EFHB: variants seen among roughly 807,000 people sequenced by gnomAD.
EFHB encodes EF-hand domain-containing family member B.
A neutral mutation model predicts 87.2 loss-of-function variants in EFHB; 91 were observed. The observed-to-expected ratio is 1.04, with a 90% CI of 0.88 to 1.24. The LOEUF is 1.24. Ranked by LOEUF, EFHB falls within the 50% of genes most tolerant of loss-of-function variation. The pLI is 0.00. For missense variants in EFHB, 1,084 were observed against 998.8 expected (o/e 1.09, Z -1.15); for synonymous variants, 325 against 333.6 (o/e 0.97, Z 0.28).
At chr3:19,898,288 A>G (rs1242303250) in intron 8 of EFHB, among the ~76,000 whole-genome samples, 1 of 152,210 alleles carries the variant, frequency 6.6e-6, no homozygotes, top group Non-Finnish European at 1.5e-5. Context: ...GTGCTTTCTC[A>G]TATTTGAATG....
chr3:19,945,071 G>C (rs1341475990), intron 1 of EFHB, among the ~76,000 whole-genome samples: 7 of 152,198 alleles, frequency 4.6e-5, no homozygotes, highest in African/African-American at 7.2e-5. Flanking sequence ...CTGCAGATGC[G>C]GTCCAAAGGA....
chr3:19,895,097 CAT>C (rs1694436088), intron 9 of EFHB: 2 of 147,356 alleles, frequency 1.4e-5, no homozygotes, highest in Admixed American at 6.8e-5. Context: ...TATATATCAA[CAT>C]ATATTTATAT....
chr3:19,908,598 G>GAGAAAGAAAGAAAGAA (rs767343345), intron 5 of EFHB, among the ~76,000 whole-genome samples: 44 of 77,850 alleles, frequency 5.7e-4, no homozygotes, highest in East Asian at 1.7e-3. Context: ...GAGAGAGAGA[G>GAGAAAGAAAGAAAGAA]AGAAAGAAAG....
chr3:19,885,702 A>T (rs1275202041), intron 10 of EFHB, among the ~76,000 whole-genome samples: 1 of 152,202 alleles, frequency 6.6e-6, no homozygotes, highest in Non-Finnish European at 1.5e-5. Context: ...AAACTAGAAA[A>T]GACTTACGTC....
rs375115475 is a variant in EFHB, at chr3:19,906,284, G to A, written c.1289-535C>T. Reference sequence around the variant, plus strand: ...GCGGAGGTTGTGGTAAGCCAAGATCGTGCCACTGCACTCCAGCCTGGGCAA... The same window carrying A: ...GCGGAGGTTGTGGTAAGCCAAGATCATGCCACTGCACTCCAGCCTGGGCAA... On this transcript the variant is annotated intron_variant, in intron 5 of 12. Coordinates refer to ENST00000295824, the MANE Select transcript of EFHB (RefSeq NM_144715.4). 9.2e-5 allele frequency among the ~76,000 whole-genome samples: 14 copies of A among 152,256 alleles called. No homozygotes were observed. In the East Asian group the frequency reaches 1.2e-3, roughly 13 times the overall value.
chr3:19,889,052 T>C (rs1001313484), intron 9 of EFHB, among the ~76,000 whole-genome samples: 1 of 152,212 alleles, frequency 6.6e-6, no homozygotes, highest in African/African-American at 2.4e-5. Flanking sequence ...AACACTCCTA[T>C]GGGCAAGAGG....
chr3:19,903,779 A>G (rs922549158), intron 6 of EFHB, among the ~76,000 whole-genome samples: 1 of 152,168 alleles, frequency 6.6e-6, no homozygotes, highest in Non-Finnish European at 1.5e-5. Context: ...GAGGTGATCA[A>G]GAATAAAGTG....
chr3:19,918,994 A>G (rs1458576656), intron 3 of EFHB, among the ~76,000 whole-genome samples: 1 of 151,604 alleles, frequency 6.6e-6, no homozygotes, highest in Non-Finnish European at 1.5e-5. Flanking sequence ...AAAAAAAAAA[A>G]AAAAGAAGAA....
chr3:19,898,204 A>T (rs963270689), intron 8 of EFHB, among the ~76,000 whole-genome samples: 3 of 152,226 alleles, frequency 2.0e-5, no homozygotes, highest in Admixed American at 1.3e-4. Flanking sequence ...GTATTGATTG[A>T]TTGATCAACT....
intron 12 of EFHB, among the ~76,000 whole-genome samples, chr3:19,880,549 G>A (rs932569894): frequency 6.6e-6 from 1 of 152,122 alleles, no homozygotes; most frequent in African/African-American, 2.4e-5. Context: ...TCTAGGCATG[G>A]CCAAGTTTTG....
Position 19,934,177 on chromosome 3 carries a change from C to T in EFHB, c.-159G>A, listed in dbSNP as rs867023087. 6.9e-7 allele frequency: 1 copy of T among 1,443,472 alleles called. No homozygotes were observed. 89.4% of individuals were successfully genotyped at this position (1,443,472 alleles called of 1,614,324 possible). ...CCTGTCCATTGCTTCCTGCCTGCCT[C>T]TTAACACCTAGCCGAGTTCACAGAG... On this transcript the variant is annotated 5_prime_UTR_variant, in exon 1 of 13. Transcript: ENST00000295824.
At chr3:19,901,007 A>T (rs1694652925) in intron 6 of EFHB, among the ~76,000 whole-genome samples, 1 of 152,214 alleles carries the variant, frequency 6.6e-6, no homozygotes, top group Non-Finnish European at 1.5e-5. Flanking sequence ...AAAGAAAAGA[A>T]TCAAAATGTT....
At chr3:19,890,742 C>A (rs1216914176) in intron 9 of EFHB, among the ~76,000 whole-genome samples, 1 of 152,130 alleles carries the variant, frequency 6.6e-6, no homozygotes, top group Non-Finnish European at 1.5e-5. Flanking sequence ...AAAAGAAAGG[C>A]AACCTTCACT....
intron 5 of EFHB, among the ~76,000 whole-genome samples, chr3:19,906,528 A>G (rs1384706290): frequency 2.0e-5 from 3 of 152,192 alleles, no homozygotes; most frequent in Admixed American, 6.5e-5. Context: ...ACTGAAAACT[A>G]TAAAACAATG....
At chr3:19,916,813 C>A (rs1273290234) in intron 4 of EFHB, among the ~76,000 whole-genome samples, 1 of 152,112 alleles carries the variant, frequency 6.6e-6, no homozygotes, top group Non-Finnish European at 1.5e-5. Context: ...TTTCTTTTGG[C>A]CTTTCTGCTA....
intron 8 of EFHB, among the ~76,000 whole-genome samples, chr3:19,898,305 A>C (rs1694552890): frequency 2.0e-5 from 3 of 152,322 alleles, no homozygotes; most frequent in Middle Eastern, 3.4e-3. Flanking sequence ...AATGTGCTTA[A>C]AATTCACCTG....
At chr3:19,906,731 C>G (rs1214551414) in intron 5 of EFHB, among the ~76,000 whole-genome samples, 3 of 151,072 alleles carry the variant, frequency 2.0e-5, no homozygotes, top group Non-Finnish European at 2.9e-5. Context: ...TATATAGAAC[C>G]ACAAAAGGCT....
intron 10 of EFHB, among the ~76,000 whole-genome samples, chr3:19,886,126 C>T (rs1322904885): frequency 6.6e-6 from 1 of 152,180 alleles, no homozygotes; most frequent in Admixed American, 6.5e-5. Flanking sequence ...TTGCTTTCTA[C>T]CACTACTTCA....
intron 1 of EFHB, 139 bp downstream of exon 1, chr3:19,933,091 T>C (rs1160164985): frequency 1.8e-6 from 2 of 1,100,298 alleles, no homozygotes; most frequent in South Asian, 1.8e-5. Context: ...AAGATTCCAG[T>C]GGGGCAAGAA....
Sources: allele counts gnomAD v4.1 joint callset (sites outside exome capture counted in the v4.1 genomes callset), GRCh38; gene constraint gnomAD v4.1.1; transcripts MANE v1.5; gene names NCBI Gene and HGNC (gene_info 2026-07-23, HGNC 2026-07-21).